The following FAM171A1 variants were observed in gnomAD, a reference collection of about 807,000 sequenced individuals.
FAM171A1 encodes the protein family with sequence similarity 171 member A1.
A neutral mutation model predicts 74.9 loss-of-function variants in FAM171A1; 23 were observed. The ratio of observed to expected loss-of-function variants is 0.31; its 90% confidence interval spans 0.22 to 0.44. The LOEUF is 0.44. Ranked by LOEUF, FAM171A1 falls within the 20% of genes least tolerant of loss-of-function variation. FAM171A1 has a pLI of 1.00. For missense variants in FAM171A1, 1,162 were observed against 1,159.2 expected, an observed-to-expected ratio of 1.00 and a Z score of -0.03; for synonymous variants, 527 against 505.7, an observed-to-expected ratio of 1.04 and a Z score of -0.57.
intron 6 of FAM171A1, among the ~76,000 whole-genome samples, chr10:15,217,595 A>G (rs1274883552): frequency 6.6e-6 from 1 of 152,194 alleles, no homozygotes; most frequent in African/African-American, 2.4e-5. Context: ...AAAATTGGAA[A>G]AATAACTGAC....
intron 1 of FAM171A1, among the ~76,000 whole-genome samples, chr10:15,288,806 G>A (rs1211940938): frequency 2.2e-5 from 3 of 134,510 alleles, no homozygotes; most frequent in Admixed American, 7.6e-5. Context: ...AGTATGATTC[G>A]GTAATTCTTT....
rs547970080 is a variant in FAM171A1 at position 15,301,321 on chromosome 10, C to T, written c.98-17216G>A. On this transcript the variant is annotated intron_variant, in intron 1 of 7. Transcript: ENST00000378116. ...TCGAGTAGCTGGGATTACAGGCACA[C>T]GCCAACATGCCCACACGCCCAGCTA... 2.3e-4 allele frequency among the ~76,000 whole-genome samples: 35 copies of T among 151,176 alleles called. 1 individual carries two copies. In the South Asian group the frequency reaches 6.1e-3, roughly 26 times the overall value.
intron 2 of FAM171A1, among the ~76,000 whole-genome samples, chr10:15,277,885 T>A (rs1834914425): frequency 6.6e-6 from 1 of 152,094 alleles, no homozygotes; most frequent in Admixed American, 6.6e-5. Context: ...GCCTCCTGAG[T>A]AGCTGGAATT....
chr10:15,287,815 CAT>C, intron 1 of FAM171A1, among the ~76,000 whole-genome samples: 1 of 152,244 alleles, frequency 6.6e-6, no homozygotes, highest in South Asian at 2.1e-4. Flanking sequence ...TGTTTGGTTA[CAT>C]GAGTAAGTTC....
intron 1 of FAM171A1, among the ~76,000 whole-genome samples, chr10:15,295,281 C>T (rs940522640): frequency 6.6e-6 from 1 of 152,074 alleles, no homozygotes; most frequent in Non-Finnish European, 1.5e-5. Context: ...ATAATGCATA[C>T]CTTTTGTTAT....
intron 3 of FAM171A1, among the ~76,000 whole-genome samples, chr10:15,258,957 C>A (rs1834621668): frequency 6.6e-6 from 1 of 152,224 alleles, no homozygotes; most frequent in Non-Finnish European, 1.5e-5. Flanking sequence ...TCCACTCCAG[C>A]ATTGGATTCT....
intron 1 of FAM171A1, among the ~76,000 whole-genome samples, chr10:15,343,698 C>T (rs1034327964): frequency 4.6e-5 from 7 of 152,216 alleles, no homozygotes; most frequent in East Asian, 1.9e-4. Flanking sequence ...CTGCACAGGC[C>T]GGTGGTCAGG....
intron 3 of FAM171A1, among the ~76,000 whole-genome samples, chr10:15,267,651 T>C (rs1834764193): frequency 7.1e-6 from 1 of 140,240 alleles, no homozygotes; most frequent in South Asian, 2.2e-4. Flanking sequence ...AAGAAGGTTG[T>C]GTGTGACTGC....
chr10:15,350,430 C>T (rs1039634460), intron 1 of FAM171A1, among the ~76,000 whole-genome samples: 2 of 151,874 alleles, frequency 1.3e-5, no homozygotes, highest in African/African-American at 4.8e-5. Flanking sequence ...CTGCGCCTGC[C>T]TCCTTGGTTC....
chr10:15,213,636 G>A lies in FAM171A1; in HGVS notation c.1952C>T (p.Ala651Val), dbSNP rs868766949. ...QAISQQHLQDAGTREWSPQNA... is the reference protein window; with the variant it reads ...QAISQQHLQDVGTREWSPQNA... ...CTGAGGGCTCCACTCCCGGGTGCCC[G>A]CATCCTGCAGGTGCTGCTGAGAGAT... Residue 651 changes from alanine (A) to valine (V), a missense_variant, in exon 8 of 8, where the codon GCG becomes GTG. Ala to Val is a moderately conservative substitution (Grantham distance 64). Coordinates refer to ENST00000378116, the MANE Select transcript of FAM171A1 (RefSeq NM_001010924.2). The surrounding 1 kb of genome is among the most constrained non-coding windows in gnomAD (Gnocchi z 6.8). The A allele has an allele frequency of 3.7e-6, 6 of 1,613,914 alleles. No individual in the cohort carries two copies. Among genetic ancestry groups the A allele is most frequent in the Non-Finnish European group, 5.1e-6 (6 of 1,179,976 alleles).
At chr10:15,310,549 G>C (rs990567239) in intron 1 of FAM171A1, among the ~76,000 whole-genome samples, 1 of 152,078 alleles carries the variant, frequency 6.6e-6, no homozygotes, top group Non-Finnish European at 1.5e-5. Flanking sequence ...TCTTTAAAAC[G>C]AAAACTCCTT....
intron 6 of FAM171A1, 73 bp from the exon 7 acceptor site, chr10:15,216,183 G>T: frequency 1.0e-6 from 1 of 961,506 alleles, no homozygotes; most frequent in Non-Finnish European, 1.5e-6. Flanking sequence ...CATTGAGAAC[G>T]CAGTGTCTTG....
intron 6 of FAM171A1, among the ~76,000 whole-genome samples, chr10:15,217,430 T>A (rs1163077376): frequency 6.6e-6 from 1 of 152,218 alleles, no homozygotes; most frequent in Non-Finnish European, 1.5e-5. Context: ...TTAAAAAATC[T>A]TCTTAAGGGG....
rs1833906325 is a variant in FAM171A1, at chr10:15,212,743, A to G, written c.*172T>C. 4.3e-6 allele frequency: 4 copies of G among 924,262 alleles called. No homozygotes were observed. The Admixed American group carries it at 8.6e-5, about 20-fold the overall frequency. The allele number at this position is 924,262 out of a possible 1,614,324, so 57.3% of individuals were successfully genotyped here. On this transcript the variant is annotated 3_prime_UTR_variant, in exon 8 of 8. Transcript: ENST00000378116. ...GCCAAAGTCATCCTTTATTCCGAGT[A>G]ATAACTTTAATTCCTTTCTAACATT...
At chr10:15,334,285 G>GA (rs1186971481) in intron 1 of FAM171A1, among the ~76,000 whole-genome samples, 1 of 152,178 alleles carries the variant, frequency 6.6e-6, no homozygotes, top group African/African-American at 2.4e-5. Context: ...GCTCTGGGAT[G>GA]AAAGAGGAGA....
At chr10:15,247,990 A>T (rs1834456977) in intron 5 of FAM171A1, among the ~76,000 whole-genome samples, 1 of 152,124 alleles carries the variant, frequency 6.6e-6, no homozygotes, top group Admixed American at 6.6e-5. Flanking sequence ...TCACAGCTTG[A>T]CAGCCGCCTT....
chr10:15,356,065 C>T (rs1430122127), intron 1 of FAM171A1, among the ~76,000 whole-genome samples: 1 of 152,006 alleles, frequency 6.6e-6, no homozygotes, highest in Admixed American at 6.6e-5. Flanking sequence ...TGGATTAAGA[C>T]ATTATTGAAA....
intron 1 of FAM171A1, among the ~76,000 whole-genome samples, chr10:15,308,059 C>T (rs577838227): frequency 4.6e-5 from 7 of 152,238 alleles, no homozygotes; most frequent in Middle Eastern, 3.4e-3. Flanking sequence ...TAATCCACCT[C>T]GGCCTCTCAA....
chr10:15,229,903 CCAT>C (rs1450214299), intron 5 of FAM171A1, among the ~76,000 whole-genome samples: 1 of 81,422 alleles, frequency 1.2e-5, no homozygotes. Flanking sequence ...ACCATCATCA[CCAT>C]CACCACCATC....
Sources: gnomAD v4.1 joint callset for allele counts (sites outside exome capture counted in the v4.1 genomes callset) on GRCh38, gnomAD v4.1.1 for gene constraint, Gnocchi (gnomAD v3.1) non-coding constraint, MANE v1.5 for transcripts, NCBI Gene and HGNC (gene_info 2026-07-23, HGNC 2026-07-21) for gene names.